Variants in MATN3 observed in about 807,000 individuals in gnomAD.
MATN3 encodes matrilin 3, also known as matrilin-3.
MATN3 carries 48 observed loss-of-function variants against 45.3 expected under a neutral mutation model. That is an observed-to-expected ratio of 1.06 (90% confidence interval 0.84 to 1.35). The LOEUF (loss-of-function observed/expected upper bound fraction) is 1.35. MATN3 is among the 40% of genes most tolerant of loss of function. MATN3 has a pLI of 0.00. For synonymous variants in MATN3, 217 were observed against 245.9 expected (o/e 0.88, Z 1.10); for missense variants, 599 against 628.0 (o/e 0.95, Z 0.49).
At position 19,992,932 on chromosome 2, in the gene MATN3, G is replaced by GA. The variant is rs1240752780; in HGVS notation, c.*178dup. 18 of 601,232 alleles carry GA rather than the reference G, an allele frequency of 3.0e-5. No homozygotes were observed. The highest frequency in any genetic ancestry group is 5.0e-5 in the Non-Finnish European group (17 of 342,916). 37.2% of individuals were successfully genotyped at this position (601,232 alleles called of 1,614,324 possible). A position where few individuals can be genotyped will look rare whatever the true frequency, so the allele number is the denominator to read the frequency against. ...AAGTATCTGCATATGTATTTCCTTG[G>GA]AAGAATCATGCTGATTCTGCAGAAG... On this transcript the variant is annotated 3_prime_UTR_variant, in exon 8 of 8. Coordinates refer to ENST00000407540, the MANE Select transcript of MATN3 (RefSeq NM_002381.5).
At chr2:19,993,763 A>G (rs1409390191) in intron 7 of MATN3, among the ~76,000 whole-genome samples, 1 of 152,228 alleles carries the variant, frequency 6.6e-6, no homozygotes, top group African/African-American at 2.4e-5. Flanking sequence ...TGGGGTACAT[A>G]GGAACAGAGT....
rs1468429695 is a variant in MATN3 at position 19,995,627 on chromosome 2, G to GT, written c.1295-1219dup. ...TAACCAAATATGAGAGGTGATAAAA[G>GT]TAACTCCTATTTCTTTATGGAATTC... On this transcript the variant is annotated intron_variant, in intron 6 of 7. Transcript: ENST00000407540. The surrounding 1 kb of genome is among the most constrained non-coding windows in gnomAD (Gnocchi z 4.2). 2.0e-5 allele frequency among the ~76,000 whole-genome samples: 3 copies of GT among 152,146 alleles called. No individual in the cohort carries two copies. The highest frequency in any genetic ancestry group is 2.9e-5 in the Non-Finnish European group (2 of 68,026).
At position 20,012,575 on chromosome 2, in the gene MATN3, C is replaced by G; in HGVS notation, c.57G>C (p.Pro19=). The G allele has an allele frequency of 8.2e-7, 1 of 1,226,058 alleles. No individual in the cohort carries two copies. Among genetic ancestry groups the G allele is most frequent in the Non-Finnish European group, 1.0e-6 (1 of 985,028 alleles). The allele number at this position is 1,226,058 out of a possible 1,614,324, so 75.9% of individuals were successfully genotyped here. A position where few individuals can be genotyped will look rare whatever the true frequency, so the allele number is the denominator to read the frequency against. ...RLPGLLLLLW[P]LLLLPSAAPD... ...GGGCGGCGGAGGGCAGCAGCAGCAGCGGCCAGAGCAGCAGGAGGAGTCCCG... is the reference window on the plus strand; with the variant it reads ...GGGCGGCGGAGGGCAGCAGCAGCAGGGGCCAGAGCAGCAGGAGGAGTCCCG... The change falls in exon 1 of 8, where the codon CCG becomes CCC. Residue 19 remains proline, a synonymous_variant. Transcript: ENST00000407540. This position sits in a 1 kb window ranked among gnomAD's most constrained non-coding sequence, Gnocchi z 4.3.
intron 6 of MATN3, among the ~76,000 whole-genome samples, chr2:19,994,760 A>G (rs913529780): frequency 3.3e-5 from 5 of 152,230 alleles, no homozygotes; most frequent in Non-Finnish European, 7.3e-5. Flanking sequence ...GGGATATAGA[A>G]ATAAGACAAT....
chr2:19,999,973 C>A (rs1285335096), intron 5 of MATN3, among the ~76,000 whole-genome samples: 1 of 152,186 alleles, frequency 6.6e-6, no homozygotes, highest in African/African-American at 2.4e-5. Flanking sequence ...ACTGGAAGAT[C>A]TGTGTGGGTC....
chr2:20,011,422 A>G (rs2103486619), intron 1 of MATN3, among the ~76,000 whole-genome samples: 1 of 152,326 alleles, frequency 6.6e-6, no homozygotes, highest in Middle Eastern at 3.4e-3. Context: ...TGCCACTTCA[A>G]ATACGGGGAC....
intron 2 of MATN3, among the ~76,000 whole-genome samples, chr2:20,005,365 A>C (rs1673074860): frequency 6.6e-6 from 1 of 152,148 alleles, no homozygotes; most frequent in African/African-American, 2.4e-5. Flanking sequence ...AAAAATATGT[A>C]TCAGGGGAAA....
Position 20,005,810 on chromosome 2 carries a change from C to T in MATN3, c.724G>A (p.Val242Ile). The T allele has an allele frequency of 6.2e-7, 1 of 1,611,170 alleles. No homozygotes were observed. Among genetic ancestry groups the T allele is most frequent in the Non-Finnish European group, 8.5e-7 (1 of 1,178,664 alleles). Residue 242 changes from valine (V) to isoleucine (I), a missense_variant, in exon 2 of 8, where the codon GTT becomes ATT. Transcript: ENST00000407540. Reference sequence around the variant, plus strand: ...ACCCCATAGGTCTCCACGTAGAAAACATGCTCCTCTAGGGGCTCACTGGCC... The same window carrying T: ...ACCCCATAGGTCTCCACGTAGAAAATATGCTCCTCTAGGGGCTCACTGGCC... ...MMASEPLEEH[V>I]FYVETYGVIE...
At chr2:20,002,804 C>G (rs893989966) in intron 3 of MATN3, among the ~76,000 whole-genome samples, 1 of 151,892 alleles carries the variant, frequency 6.6e-6, no homozygotes, top group Non-Finnish European at 1.5e-5. Flanking sequence ...GGGGTCTCAC[C>G]ATGTTCTCGA....
intron 5 of MATN3, 94 bp from the exon 6 acceptor site, chr2:19,997,353 A>C (rs1672894885): frequency 1.3e-5 from 17 of 1,351,794 alleles, no homozygotes; most frequent in Non-Finnish European, 1.7e-5. Context: ...TTTGGTCCCC[A>C]CAAGTGCTGA....
At chr2:20,011,991 G>A (rs1282931981) in intron 1 of MATN3, among the ~76,000 whole-genome samples, 2 of 152,198 alleles carry the variant, frequency 1.3e-5, no homozygotes, top group Non-Finnish European at 2.9e-5. Context: ...TGAGGACTGT[G>A]GGAGGGGAGG....
intron 1 of MATN3, among the ~76,000 whole-genome samples, chr2:20,010,066 C>CAAAAAAAAAAAA (rs1558376342): frequency 2.2e-3 from 12 of 5,544 alleles, no homozygotes; most frequent in Non-Finnish European, 2.7e-3. Context: ...TCTTCAAATA[C>CAAAAAAAAAAAA]TAAAAAAAAA....
In MATN3 at chr2:19,997,177, G is replaced by A. The variant is rs746483805; in HGVS notation, c.1251C>T (p.Cys417=). 1 of 1,613,886 alleles carries A rather than the reference G, an allele frequency of 6.2e-7. No individual in the cohort carries two copies. The highest frequency in any genetic ancestry group is 8.5e-7 in the Non-Finnish European group (1 of 1,179,784). Residue 417 remains cysteine, a synonymous_variant, in exon 6 of 8, where the codon TGC becomes TGT. Coordinates refer to ENST00000407540, the MANE Select transcript of MATN3 (RefSeq NM_002381.5). ...CCTCATTTAAGGTGTAGCCAGGATA[G>A]CAATCACAGTGGTAGGATGCGGCCC... The part of the protein sequence containing the change: ...SDGAASYHCD[C]YPGYTLNEDK...
At chr2:19,997,790 A>ACG (rs968819081) in intron 5 of MATN3, 65 of 152,340 alleles carry the variant, frequency 4.3e-4, no homozygotes, top group African/African-American at 1.5e-3. Flanking sequence ...ACACACACAC[A>ACG]CAAGCACAGA....
Position 20,006,279 on chromosome 2 carries a change from C to T in MATN3, c.255G>A (p.Val85=), listed in dbSNP as rs904177681. ...CGCTACGAGAACTATCAATGATAAA[C>T]ACCAGGTCCAAGGGTCTGCTCTTGC... ...GVCKSRPLDL[V]FIIDSSRSVR... The change falls in exon 2 of 8, where the codon GTG becomes GTA. Residue 85 remains valine, a synonymous_variant. Coordinates refer to ENST00000407540, the MANE Select transcript of MATN3 (RefSeq NM_002381.5). The T allele has an allele frequency of 6.3e-7, 1 of 1,590,032 alleles. No homozygotes were observed. The highest frequency in any genetic ancestry group is 8.5e-7 in the Non-Finnish European group (1 of 1,169,716).
intron 2 of MATN3, among the ~76,000 whole-genome samples, chr2:20,005,465 C>T (rs1378742458): frequency 1.3e-5 from 2 of 152,220 alleles, no homozygotes; most frequent in African/African-American, 4.8e-5. Flanking sequence ...GTCATTTATC[C>T]TGGATATTTG....
chr2:20,001,295 G>A (rs1170620404), intron 4 of MATN3, among the ~76,000 whole-genome samples: 1 of 152,010 alleles, frequency 6.6e-6, no homozygotes, highest in Non-Finnish European at 1.5e-5. Flanking sequence ...TCCTTTTTCT[G>A]GTCCAGGATC....
At chr2:20,002,685 G>A (rs1361260356) in intron 3 of MATN3, among the ~76,000 whole-genome samples, 1 of 151,862 alleles carries the variant, frequency 6.6e-6, no homozygotes, top group Non-Finnish European at 1.5e-5. Flanking sequence ...CTGCAGCCTC[G>A]ACCTCCTGGT....
At chr2:20,001,806 AT>A in intron 4 of MATN3, 148 bp downstream of exon 4, 1 of 683,984 alleles carries the variant, frequency 1.5e-6, no homozygotes. Flanking sequence ...CATTTCTAAC[AT>A]TTTGGATAAG....
Sources: gnomAD v4.1 joint callset for allele counts (sites outside exome capture counted in the v4.1 genomes callset) on GRCh38, gnomAD v4.1.1 for gene constraint, Gnocchi (gnomAD v3.1) non-coding constraint, MANE v1.5 for transcripts, NCBI Gene and HGNC (gene_info 2026-07-23, HGNC 2026-07-21) for gene names.